Variants in MRTFB observed in about 807,000 individuals in gnomAD.
MRTFB encodes myocardin related transcription factor B.
MRTFB carries 29 observed loss-of-function variants against 104.2 expected under a neutral mutation model. The observed-to-expected ratio is 0.28, with a 90% CI of 0.21 to 0.38. The LOEUF (loss-of-function observed/expected upper bound fraction) is 0.38. Ranked by LOEUF, MRTFB falls within the 10% of genes least tolerant of loss-of-function variation. The pLI is 1.00. For missense variants in MRTFB, 1,270 were observed against 1,341.6 expected (o/e 0.95, Z 0.83); for synonymous variants, 535 against 519.5 (o/e 1.03, Z -0.41).
intron 8 of MRTFB, among the ~76,000 whole-genome samples, chr16:14,224,411 T>G (rs536754878): frequency 1.3e-5 from 2 of 152,278 alleles, no homozygotes; most frequent in East Asian, 3.9e-4. Context: ...GTGTAAATGG[T>G]TTTTTAAAAT....
At chr16:14,173,390 G>A (rs573168033) in intron 3 of MRTFB, among the ~76,000 whole-genome samples, 5 of 152,100 alleles carry the variant, frequency 3.3e-5, no homozygotes, top group Non-Finnish European at 5.9e-5. Flanking sequence ...GTATTTTTTA[G>A]GAGTTTTACA....
Position 14,177,762 on chromosome 16 carries a change from G to T in MRTFB, c.155-32481G>T, listed in dbSNP as rs1363617814. 3.3e-5 allele frequency among the ~76,000 whole-genome samples: 5 copies of T among 152,280 alleles called. No individual in the cohort carries two copies. Among genetic ancestry groups the T allele is most frequent in the Middle Eastern group, 3.4e-3 (1 of 294 alleles). ...TGCTTCAGCCCAGGAGGTCGAGGCT[G>T]CAGCGAGTAATAATTGCACCACTGT... On this transcript the variant is annotated intron_variant, in intron 3 of 16. Transcript: ENST00000571589. This position sits in a 1 kb window ranked among gnomAD's most constrained non-coding sequence, Gnocchi z 4.7.
intron 9 of MRTFB, among the ~76,000 whole-genome samples, chr16:14,235,288 T>C (rs1012198802): frequency 9.2e-5 from 14 of 152,200 alleles, no homozygotes; most frequent in African/African-American, 2.9e-4. Flanking sequence ...TACATCAGTG[T>C]GTTTCCCCAT....
intron 2 of MRTFB, among the ~76,000 whole-genome samples, chr16:14,104,074 T>C (rs1294104609): frequency 6.6e-6 from 1 of 152,218 alleles, no homozygotes; most frequent in African/African-American, 2.4e-5. Flanking sequence ...AGATGACAGT[T>C]TCTTTTCAGA....
chr16:14,231,265 C>T (rs1409148010), intron 8 of MRTFB, among the ~76,000 whole-genome samples: 3 of 150,198 alleles, frequency 2.0e-5, no homozygotes, highest in African/African-American at 7.5e-5. Flanking sequence ...CACATGTACC[C>T]TAAAACTTAA....
chr16:14,109,319 T>C (rs2036154154), intron 2 of MRTFB, among the ~76,000 whole-genome samples: 1 of 152,164 alleles, frequency 6.6e-6, no homozygotes. Flanking sequence ...CAAAAGAGAA[T>C]GTCTCGAAGC....
In MRTFB at chr16:14,251,886, A is replaced by C; in HGVS notation, c.2428A>C (p.Asn810His). The change falls in exon 14 of 17, where the codon AAT becomes CAT. Residue 810 changes from asparagine to histidine, a missense_variant. Physicochemically the swap from Asn to His is moderately conservative, Grantham distance 68. Coordinates refer to ENST00000571589, the MANE Select transcript of MRTFB (RefSeq NM_001308142.2). ...RKVFTNSASS[N>H]TVLPYQRHPA... ...GGTTTTCACAAACTCAGCATCATCA[A>C]ATACAGTTCTTCCATATCAGAGACA... The C allele has an allele frequency of 1.2e-6, 2 of 1,614,204 alleles. No individual in the cohort carries two copies. The highest frequency in any genetic ancestry group is 1.7e-6 in the Non-Finnish European group (2 of 1,180,022).
chr16:14,076,067 A>G (rs186986546), intron 1 of MRTFB, among the ~76,000 whole-genome samples: 61 of 152,114 alleles, frequency 4.0e-4, no homozygotes, highest in Non-Finnish European at 1.5e-5. Context: ...GCAAATACTA[A>G]TATACTATAT....
rs2041469395 is a variant in MRTFB at position 14,217,296 on chromosome 16, C to CT, written c.514+10dup. On this transcript the variant is annotated intron_variant, in intron 7 of 16. Transcript: ENST00000571589. ...TAAAGAAGCAATTATAGGCAAGACT[C>CT]TAAAAATTTACTATTTGGGGTGAGA... 6.4e-7 allele frequency: 1 copy of CT among 1,574,434 alleles called. No individual in the cohort carries two copies. The highest frequency in any genetic ancestry group is 1.4e-5 in the African/African-American group (1 of 72,802).
At position 14,248,912 on chromosome 16, in the gene MRTFB, A is replaced by G. The variant is rs2151419184; in HGVS notation, c.2248-14A>G. The G allele has an allele frequency of 6.2e-7, 1 of 1,605,446 alleles. No homozygotes were observed. Among genetic ancestry groups the G allele is most frequent in the African/African-American group, 1.3e-5 (1 of 74,408 alleles). ...TGACAATTAAATTGATGTTTTTTTC[A>G]ATTCACCTCCTAGACTTCACCACAA... On this transcript the variant is annotated splice_polypyrimidine_tract_variant and intron_variant, in intron 12 of 16. Coordinates refer to ENST00000571589, the MANE Select transcript of MRTFB (RefSeq NM_001308142.2).
intron 3 of MRTFB, among the ~76,000 whole-genome samples, chr16:14,145,014 C>T (rs2038235651): frequency 6.9e-6 from 1 of 144,172 alleles, no homozygotes; most frequent in South Asian, 2.2e-4. Flanking sequence ...ATATATATAA[C>T]TTTTGTCAGT....
the MRTFB span, among the ~76,000 whole-genome samples, chr16:14,016,448 T>C: frequency 6.6e-6 from 1 of 151,842 alleles, no homozygotes; most frequent in Admixed American, 6.6e-5. Context: ...CGATGATGGA[T>C]ATTTGTGGTC....
chr16:14,203,193 C>G (rs2151123438), intron 3 of MRTFB, among the ~76,000 whole-genome samples: 1 of 151,936 alleles, frequency 6.6e-6, no homozygotes, highest in Middle Eastern at 3.4e-3. Flanking sequence ...GTCCATTGTC[C>G]TGTAATTAAG....
intron 5 of MRTFB, among the ~76,000 whole-genome samples, chr16:14,212,907 C>A (rs917600887): frequency 3.9e-5 from 6 of 152,148 alleles, no homozygotes; most frequent in Admixed American, 3.3e-4. Flanking sequence ...ATCATACTTG[C>A]ACGTGATAAT....
the MRTFB span, among the ~76,000 whole-genome samples, chr16:14,033,653 C>T: frequency 6.6e-6 from 1 of 151,860 alleles, no homozygotes; most frequent in African/African-American, 2.4e-5. Context: ...GCCTGGCCTA[C>T]ATGGTGAAAC....
intron 3 of MRTFB, chr16:14,143,161 C>CTTTTTTTTTTTTTTTTTTTTTTTT (rs58550641): frequency 9.8e-6 from 1 of 102,216 alleles, no homozygotes; most frequent in Non-Finnish European, 2.2e-5. Context: ...CTGAACATTT[C>CTTTTTTTTTTTTTTTTTTTTTTTT]TTTTTTTTTT....
chr16:14,204,651 T>C (rs1347574529), intron 3 of MRTFB, among the ~76,000 whole-genome samples: 1 of 152,218 alleles, frequency 6.6e-6, no homozygotes, highest in Non-Finnish European at 1.5e-5. Flanking sequence ...CACCCTTTTC[T>C]CCTTATTGAA....
chr16:14,218,945 G>C lies in MRTFB; in HGVS notation c.640G>C (p.Glu214Gln). ...ESQGSAASPS[E>Q]PKVSESPSPV... ...ACAGGGGTCAGCCGCGTCCCCAAGT[G>C]AGCCAAAAGTTAGTGAATCGCCATC... The change falls in exon 8 of 17, where the codon GAG becomes CAG. Residue 214 changes from glutamate (E) to glutamine (Q), a missense_variant. Glu to Gln is a conservative substitution (Grantham distance 29). Coordinates refer to ENST00000571589, the MANE Select transcript of MRTFB (RefSeq NM_001308142.2). The C allele has an allele frequency of 1.2e-6, 2 of 1,614,064 alleles. No homozygotes were observed. The highest frequency in any genetic ancestry group is 1.7e-6 in the Non-Finnish European group (2 of 1,179,982).
intron 6 of MRTFB, among the ~76,000 whole-genome samples, chr16:14,213,986 T>C (rs1001946146): frequency 1.3e-5 from 2 of 152,200 alleles, no homozygotes; most frequent in Non-Finnish European, 2.9e-5. Context: ...TTTCAACTAC[T>C]TGGACCTTGT....
Sources: allele counts gnomAD v4.1 joint callset (sites outside exome capture counted in the v4.1 genomes callset), GRCh38; gene constraint gnomAD v4.1.1; non-coding constraint Gnocchi (gnomAD v3.1); transcripts MANE v1.5; gene names NCBI Gene and HGNC (gene_info 2026-07-23, HGNC 2026-07-21).